Variants in CFAP95 observed in about 807,000 individuals in gnomAD.
CFAP95 encodes the protein cilia and flagella associated protein 95, also known as cilia- and flagella-associated protein 95.
chr9:69,841,167 TATATATATATATATATA>T, the CFAP95 span, among the ~76,000 whole-genome samples: 2 of 92,458 alleles, frequency 2.2e-5, no homozygotes, highest in Non-Finnish European at 2.2e-5. Flanking sequence ...AGCTGGATTA[TATATATATATATATATA>T]TATATATATA....
At chr9:69,855,051 A>G in the CFAP95 span, among the ~76,000 whole-genome samples, 1 of 152,180 alleles carries the variant, frequency 6.6e-6, no homozygotes, top group African/African-American at 2.4e-5. Context: ...AATTCTCCTC[A>G]GTTCCCAATT....
chr9:69,836,120 CCTT>C, the CFAP95 span, among the ~76,000 whole-genome samples: 1 of 152,162 alleles, frequency 6.6e-6, no homozygotes, highest in Non-Finnish European at 1.5e-5. Flanking sequence ...GTGTTAGAGG[CCTT>C]CTTATGAAAG....
the CFAP95 span, chr9:69,902,537 A>G: frequency 1.8e-5 from 5 of 271,382 alleles, no homozygotes; most frequent in Non-Finnish European, 3.6e-5. Flanking sequence ...CACATGAATA[A>G]TTTTCCAGTT....
chr9:69,858,005 G>C, the CFAP95 span: 1 of 1,598,394 alleles, frequency 6.3e-7, no homozygotes, highest in Non-Finnish European at 8.6e-7. Flanking sequence ...TGCTACAACT[G>C]TACAAAATGT....
chr9:69,886,976 G>C, the CFAP95 span: 1 of 1,083,646 alleles, frequency 9.2e-7, no homozygotes, highest in African/African-American at 1.6e-5. Flanking sequence ...AACTTGGGAA[G>C]AAAGGAGAAA....
chr9:69,839,993 C>T, the CFAP95 span, among the ~76,000 whole-genome samples: 1 of 151,390 alleles, frequency 6.6e-6, no homozygotes. Flanking sequence ...AGGAGAATCG[C>T]TTGAACCCAG....
the CFAP95 span, among the ~76,000 whole-genome samples, chr9:69,862,329 GA>G: frequency 1.4e-4 from 22 of 152,114 alleles, no homozygotes; most frequent in Admixed American, 1.4e-3. Flanking sequence ...TGAATTGCTA[GA>G]ATTACTCATT....
the CFAP95 span, among the ~76,000 whole-genome samples, chr9:69,841,771 C>T: frequency 1.3e-5 from 2 of 152,180 alleles, no homozygotes; most frequent in African/African-American, 4.8e-5. Flanking sequence ...TACATGGCAG[C>T]AGGCAAGAGA....
the CFAP95 span, among the ~76,000 whole-genome samples, chr9:69,883,622 T>C: frequency 4.6e-5 from 7 of 152,200 alleles, no homozygotes; most frequent in South Asian, 2.1e-4. Flanking sequence ...GTAGGTTGTA[T>C]GTGTCTAGGA....
At chr9:69,836,709 TTTTATTTATTTA>T in the CFAP95 span, among the ~76,000 whole-genome samples, 2 of 145,036 alleles carry the variant, frequency 1.4e-5, no homozygotes, top group African/African-American at 2.5e-5. Flanking sequence ...TTTTTTTACA[TTTTATTTATTTA>T]TTTATTTATT....
the CFAP95 span, among the ~76,000 whole-genome samples, chr9:69,905,367 A>G: frequency 2.0e-5 from 3 of 152,210 alleles, no homozygotes; most frequent in African/African-American, 7.2e-5. Context: ...AAGAATCAAT[A>G]TATCTTTTGG....
chr9:69,867,172 G>C, the CFAP95 span, among the ~76,000 whole-genome samples: 1 of 152,174 alleles, frequency 6.6e-6, no homozygotes, highest in Non-Finnish European at 1.5e-5. Context: ...GTGTGCCTTG[G>C]CAAAGGATAT....
the CFAP95 span, among the ~76,000 whole-genome samples, chr9:69,894,391 G>T: frequency 1.3e-5 from 2 of 152,036 alleles, no homozygotes; most frequent in African/African-American, 4.8e-5. Flanking sequence ...TACAGTTGCT[G>T]GTAGATGAGT....
the CFAP95 span, chr9:69,884,376 C>T: frequency 2.0e-5 from 3 of 152,208 alleles, no homozygotes; most frequent in Admixed American, 1.3e-4. Context: ...AGATCTCTTT[C>T]CTCAGCTTCC....
At chr9:69,877,179 C>T in the CFAP95 span, among the ~76,000 whole-genome samples, 3 of 152,280 alleles carry the variant, frequency 2.0e-5, no homozygotes, top group Admixed American at 6.5e-5. Context: ...CCCAGCATCA[C>T]GTGACTCACT....
chr9:69,863,735 C>A, the CFAP95 span, among the ~76,000 whole-genome samples: 1 of 152,068 alleles, frequency 6.6e-6, no homozygotes, highest in Non-Finnish European at 1.5e-5. Context: ...AGAACTGTAT[C>A]AAGCAGATCC....
chr9:69,868,507 A>C, the CFAP95 span, among the ~76,000 whole-genome samples: 2 of 151,926 alleles, frequency 1.3e-5, no homozygotes, highest in Admixed American at 6.6e-5. Context: ...AAAATACAAA[A>C]ATTAGCTGGG....
At chr9:69,855,710 C>A in the CFAP95 span, among the ~76,000 whole-genome samples, 5 of 152,088 alleles carry the variant, frequency 3.3e-5, no homozygotes, top group African/African-American at 1.2e-4. Flanking sequence ...AGGCTAGACT[C>A]CTGGTTATAG....
chr9:69,890,275 A>T, the CFAP95 span, among the ~76,000 whole-genome samples: 1 of 152,064 alleles, frequency 6.6e-6, no homozygotes, highest in African/African-American at 2.4e-5. Flanking sequence ...TATGCTTTTA[A>T]TTTTTTCAGC....
Sources: gnomAD v4.1 joint callset for allele counts (sites outside exome capture counted in the v4.1 genomes callset) on GRCh38, gnomAD v4.1.1 for gene constraint, MANE v1.5 for transcripts, NCBI Gene and HGNC (gene_info 2026-07-23, HGNC 2026-07-21) for gene names.